Variants in ZNF804A observed in about 807,000 individuals in gnomAD.
ZNF804A encodes the protein zinc finger protein 804A.
ZNF804A carries 2 observed loss-of-function variants against 16.5 expected under a neutral mutation model. The observed-to-expected ratio is 0.12, with a 90% CI of 0.05 to 0.38. The LOEUF is 0.38. Among genes scored for constraint, ZNF804A ranks in the 10% least tolerant of loss-of-function variants. ZNF804A has a pLI of 0.99. For missense variants in ZNF804A, 1,473 were observed against 1,390.7 expected (o/e 1.06, Z -0.94); for synonymous variants, 534 against 489.6 (o/e 1.09, Z -1.20).
At chr2:184,834,631 G>T (rs1230611149) in intron 1 of ZNF804A, among the ~76,000 whole-genome samples, 1 of 152,086 alleles carries the variant, frequency 6.6e-6, no homozygotes, top group Non-Finnish European at 1.5e-5. Flanking sequence ...TGCAACAAAG[G>T]AGGGTTCAGT....
chr2:184,744,905 C>G (rs74364499), intron 1 of ZNF804A, among the ~76,000 whole-genome samples: 128 of 151,882 alleles, frequency 8.4e-4, no homozygotes, highest in African/African-American at 2.9e-3. Context: ...GACCTCAAGT[C>G]CTAATCATGT....
At chr2:184,868,775 A>G (rs1353470846) in intron 2 of ZNF804A, among the ~76,000 whole-genome samples, 1 of 152,026 alleles carries the variant, frequency 6.6e-6, no homozygotes, top group Admixed American at 6.6e-5. Context: ...TTTGAGAGAC[A>G]TTTCAGCTTG....
intron 1 of ZNF804A, among the ~76,000 whole-genome samples, chr2:184,603,032 A>G (rs923644624): frequency 2.0e-5 from 3 of 152,176 alleles, no homozygotes; most frequent in Non-Finnish European, 4.4e-5. Flanking sequence ...CATCCTCCAC[A>G]TGCAAATATC....
intron 1 of ZNF804A, among the ~76,000 whole-genome samples, chr2:184,726,651 C>T (rs1385786921): frequency 6.6e-6 from 1 of 151,464 alleles, no homozygotes; most frequent in Admixed American, 6.6e-5. Flanking sequence ...GTCAAACTAG[C>T]CAGTAATTGT....
intron 1 of ZNF804A, among the ~76,000 whole-genome samples, chr2:184,742,844 A>G (rs1056603201): frequency 2.6e-4 from 39 of 151,882 alleles, no homozygotes; most frequent in Non-Finnish European, 5.2e-4. Context: ...CCAACTTCTA[A>G]GACGTAGGAG....
chr2:184,606,832 TAC>T (rs10645645), intron 1 of ZNF804A, among the ~76,000 whole-genome samples: 3,059 of 149,248 alleles, frequency 0.02, 34 homozygotes, highest in Non-Finnish European at 0.028. Context: ...TAGGTGTGTC[TAC>T]ACACACACAC....
intron 1 of ZNF804A, among the ~76,000 whole-genome samples, chr2:184,840,976 G>A (rs940311997): frequency 6.6e-6 from 1 of 152,096 alleles, no homozygotes; most frequent in African/African-American, 2.4e-5. Context: ...CCATAATGCT[G>A]CAAGCGAACA....
chr2:184,886,826 C>G (rs780967504), intron 2 of ZNF804A, among the ~76,000 whole-genome samples: 4 of 152,234 alleles, frequency 2.6e-5, no homozygotes, highest in Non-Finnish European at 5.9e-5. Flanking sequence ...GGGCCTGGCC[C>G]ACAAAACCAC....
rs77894382 is a variant in ZNF804A, at chr2:184,631,462, C to T, written c.111+32392C>T. Among the ~76,000 whole-genome samples the T allele has an allele frequency of 4.2e-3, 634 of 152,220 alleles. 1 individual carries two copies. Among genetic ancestry groups the T allele is most frequent in the Non-Finnish European group, 7.4e-3 (504 of 67,988 alleles). On this transcript the variant is annotated intron_variant, in intron 1 of 3. Coordinates refer to ENST00000302277, the MANE Select transcript of ZNF804A (RefSeq NM_194250.2). ...TTCTAGGTGATAATACTAAAAGTCA[C>T]TGGCATATCATCTTTTGCTATGATT...
At chr2:184,795,662 G>T (rs1694619746) in intron 1 of ZNF804A, among the ~76,000 whole-genome samples, 1 of 151,970 alleles carries the variant, frequency 6.6e-6, no homozygotes, top group Non-Finnish European at 1.5e-5. Flanking sequence ...AAATAAAATT[G>T]ATAGACCTTT....
intron 3 of ZNF804A, among the ~76,000 whole-genome samples, chr2:184,935,425 G>A (rs1685768317): frequency 2.0e-5 from 3 of 152,072 alleles, no homozygotes; most frequent in Admixed American, 6.6e-5. Flanking sequence ...TTAAGTATGT[G>A]TGAATCAAAA....
At chr2:184,684,443 T>C (rs967351049) in intron 1 of ZNF804A, among the ~76,000 whole-genome samples, 10 of 152,334 alleles carry the variant, frequency 6.6e-5, no homozygotes, top group South Asian at 6.2e-4. Context: ...ATCTAATTTA[T>C]GGTGGAAAGC....
intron 1 of ZNF804A, among the ~76,000 whole-genome samples, chr2:184,604,350 T>G (rs186621517): frequency 6.6e-6 from 1 of 151,844 alleles, no homozygotes; most frequent in East Asian, 1.9e-4. Context: ...TTTTTTTGTA[T>G]TTTTAGTAGA....
At chr2:184,710,928 T>G (rs1448498526) in intron 1 of ZNF804A, among the ~76,000 whole-genome samples, 5 of 151,878 alleles carry the variant, frequency 3.3e-5, no homozygotes, top group Non-Finnish European at 5.9e-5. Context: ...TTAGGTTGCT[T>G]TCATATCTTG....
chr2:184,646,508 C>T (rs1382512985), intron 1 of ZNF804A, among the ~76,000 whole-genome samples: 3 of 152,146 alleles, frequency 2.0e-5, no homozygotes, highest in African/African-American at 7.2e-5. Context: ...CTGCCCCACC[C>T]TTCCTGTGCA....
chr2:184,613,697 G>T (rs1559108267), intron 1 of ZNF804A, among the ~76,000 whole-genome samples: 1 of 152,008 alleles, frequency 6.6e-6, no homozygotes, highest in Non-Finnish European at 1.5e-5. Flanking sequence ...GCTACAAAGA[G>T]AATAAAATAC....
At chr2:184,935,065 T>A (rs1005648826) in intron 3 of ZNF804A, among the ~76,000 whole-genome samples, 1 of 152,168 alleles carries the variant, frequency 6.6e-6, no homozygotes, top group Non-Finnish European at 1.5e-5. Context: ...TATTTATGTG[T>A]TTGTCAGTAT....
Position 184,822,772 on chromosome 2 carries a change from C to T in ZNF804A, c.112-43597C>T, listed in dbSNP as rs1695103318. ...GACTAAATACTTAGTAAGTCAATAGCAATATTAGTACATTTAATACAAATG... is the reference window on the plus strand; with the variant it reads ...GACTAAATACTTAGTAAGTCAATAGTAATATTAGTACATTTAATACAAATG... On this transcript the variant is annotated intron_variant, in intron 1 of 3. Coordinates refer to ENST00000302277, the MANE Select transcript of ZNF804A (RefSeq NM_194250.2). 3.3e-5 allele frequency among the ~76,000 whole-genome samples: 5 copies of T among 152,078 alleles called. 1 individual carries two copies. In the South Asian group the frequency reaches 1.0e-3, roughly 32 times the overall value.
chr2:184,926,504 G>A (rs1265332329), intron 2 of ZNF804A, among the ~76,000 whole-genome samples: 1 of 151,836 alleles, frequency 6.6e-6, no homozygotes, highest in Non-Finnish European at 1.5e-5. Context: ...AAATCTTCAT[G>A]GTGTTCTATA....
Sources: gnomAD v4.1 joint callset for allele counts (sites outside exome capture counted in the v4.1 genomes callset) on GRCh38, gnomAD v4.1.1 for gene constraint, MANE v1.5 for transcripts, NCBI Gene and HGNC (gene_info 2026-07-23, HGNC 2026-07-21) for gene names.